NOL4: variants seen among roughly 807,000 people sequenced by gnomAD.
NOL4 encodes cancer/testis antigen 125.
In NOL4, 17 loss-of-function variants were observed where a neutral mutation model predicts 75.9. The observed-to-expected ratio is 0.22, with a 90% confidence interval of 0.15 to 0.34. The LOEUF (loss-of-function observed/expected upper bound fraction) is 0.34. NOL4 is among the 10% of genes least tolerant of loss of function. The pLI is 1.00. For missense variants in NOL4, 614 were observed against 793.5 expected (o/e 0.77, Z 2.72); for synonymous variants, 292 against 289.9 (o/e 1.01, Z -0.07).
intron 5 of NOL4, among the ~76,000 whole-genome samples, chr18:34,077,285 G>T (rs1176893714): frequency 1.3e-5 from 2 of 151,948 alleles, no homozygotes; most frequent in East Asian, 3.8e-4. Flanking sequence ...TCCAGCCTGG[G>T]TGACAGAGTG....
intron 6 of NOL4, among the ~76,000 whole-genome samples, chr18:33,968,801 C>A (rs1477518180): frequency 6.6e-6 from 1 of 152,064 alleles, no homozygotes; most frequent in Non-Finnish European, 1.5e-5. Context: ...CTTCTAAGTG[C>A]CACAAGCAAC....
intron 5 of NOL4, among the ~76,000 whole-genome samples, chr18:34,066,633 A>AAATAT (rs1173712942): frequency 6.6e-6 from 1 of 151,910 alleles, no homozygotes; most frequent in Non-Finnish European, 1.5e-5. Flanking sequence ...CTATGAAACA[A>AAATAT]AATATTTTAA....
Position 34,204,068 on chromosome 18 carries a change from G to A in NOL4, c.264+18922C>T, listed in dbSNP as rs115783630. 1.7e-3 allele frequency among the ~76,000 whole-genome samples: 266 copies of A among 152,076 alleles called. 1 individual carries two copies. Among genetic ancestry groups the A allele is most frequent in the African/African-American group, 6.1e-3 (252 of 41,498 alleles). ...ACCTGAAGCCACCCTGTAGAGTGCT[G>A]ACTCATTAAAAATTCAATTTGTTCC... On this transcript the variant is annotated intron_variant, in intron 1 of 10. Coordinates refer to ENST00000261592, the MANE Select transcript of NOL4 (RefSeq NM_003787.5).
intron 6 of NOL4, among the ~76,000 whole-genome samples, chr18:33,977,554 T>C (rs1037418): frequency 0.17 from 26,623 of 152,144 alleles, 2,865 homozygotes; most frequent in East Asian, 0.4. Context: ...TTAAACCACA[T>C]TTTCTTTATA....
At chr18:34,147,862 G>T (rs139861142) in intron 1 of NOL4, among the ~76,000 whole-genome samples, 275 of 152,146 alleles carry the variant, frequency 1.8e-3, no homozygotes, top group African/African-American at 6.3e-3. Flanking sequence ...TTTTTGGTTG[G>T]TAGGCTATTA....
chr18:34,035,620 G>GA (rs945811555), intron 5 of NOL4, among the ~76,000 whole-genome samples: 22 of 146,532 alleles, frequency 1.5e-4, no homozygotes, highest in African/African-American at 3.5e-4. Context: ...ACAGCAAAAG[G>GA]AAAAAAAAAT....
At chr18:34,209,433 T>C (rs1056112765) in intron 1 of NOL4, among the ~76,000 whole-genome samples, 3 of 152,086 alleles carry the variant, frequency 2.0e-5, no homozygotes, top group Admixed American at 6.5e-5. Context: ...TTAGGCATGA[T>C]GAATGGCAAG....
chr18:33,918,977 A>C (rs1026123869), intron 9 of NOL4, among the ~76,000 whole-genome samples: 1 of 152,176 alleles, frequency 6.6e-6, no homozygotes, highest in African/African-American at 2.4e-5. Flanking sequence ...TTAGTAATCT[A>C]TATATAGAGA....
intron 6 of NOL4, among the ~76,000 whole-genome samples, chr18:33,972,411 A>G (rs1422404272): frequency 1.3e-5 from 2 of 152,190 alleles, no homozygotes; most frequent in Non-Finnish European, 2.9e-5. Context: ...AAAACTATAA[A>G]AAGCTACCAC....
At position 33,852,878 on chromosome 18, in the gene NOL4, T is replaced by G. The variant is rs780483737; in HGVS notation, c.1881A>C (p.Ala627=). The change falls in exon 11 of 11, where the codon GCA becomes GCC. Residue 627 remains alanine (A), a synonymous_variant. Coordinates refer to ENST00000261592, the MANE Select transcript of NOL4 (RefSeq NM_003787.5). ...GTAAAATGAGATTTTCCAGTTCATCTGCAGATCGCAATAAAAATGCAGCTG... is the reference window on the plus strand; with the variant it reads ...GTAAAATGAGATTTTCCAGTTCATCGGCAGATCGCAATAAAAATGCAGCTG... ...RESAAFLLRS[A]DELENLILQQ... is the part of the protein sequence containing the mutation. 5.6e-6 allele frequency: 9 copies of G among 1,612,858 alleles called. No individual in the cohort carries two copies. The South Asian group carries it at 8.8e-5, about 16-fold the overall frequency.
At chr18:34,174,600 T>G (rs569117517) in intron 1 of NOL4, among the ~76,000 whole-genome samples, 1 of 152,076 alleles carries the variant, frequency 6.6e-6, no homozygotes, top group South Asian at 2.1e-4. Context: ...CATAGATAGA[T>G]AGATGCCATG....
intron 2 of NOL4, among the ~76,000 whole-genome samples, chr18:34,113,348 A>T (rs1164087810): frequency 6.6e-6 from 1 of 152,174 alleles, no homozygotes; most frequent in African/African-American, 2.4e-5. Flanking sequence ...GACAAGCTTC[A>T]TTACTGAAGT....
chr18:34,189,006 T>A (rs1392777719), intron 1 of NOL4, among the ~76,000 whole-genome samples: 2 of 152,190 alleles, frequency 1.3e-5, no homozygotes, highest in Admixed American at 1.3e-4. Context: ...TCCAAGAACC[T>A]TGAATAATGG....
intron 5 of NOL4, chr18:34,023,532 C>A (rs140710607): frequency 2.2e-6 from 1 of 455,170 alleles, no homozygotes; most frequent in Admixed American, 2.4e-5. Context: ...TGGGCCAAGG[C>A]GGTGGTTCTT....
At chr18:33,938,868 T>C (rs1391572437) in intron 9 of NOL4, among the ~76,000 whole-genome samples, 1 of 152,140 alleles carries the variant, frequency 6.6e-6, no homozygotes, top group East Asian at 1.9e-4. Context: ...ATGTCCCAAA[T>C]GGTATTTCCT....
intron 1 of NOL4, among the ~76,000 whole-genome samples, chr18:34,176,894 A>G (rs1472405305): frequency 6.6e-6 from 1 of 152,108 alleles, no homozygotes; most frequent in African/African-American, 2.4e-5. Flanking sequence ...AACTGTCAGT[A>G]GCCAAAGACA....
chr18:33,922,860 A>G (rs1295408832), intron 9 of NOL4, among the ~76,000 whole-genome samples: 1 of 152,124 alleles, frequency 6.6e-6, no homozygotes, highest in African/African-American at 2.4e-5. Flanking sequence ...CATAACATAA[A>G]CCAAATGTAC....
chr18:33,970,826 ATAT>A (rs1469559213), intron 6 of NOL4, among the ~76,000 whole-genome samples: 1 of 152,052 alleles, frequency 6.6e-6, no homozygotes, highest in Non-Finnish European at 1.5e-5. Context: ...CTGGACAATT[ATAT>A]GTTTGATACA....
intron 5 of NOL4, among the ~76,000 whole-genome samples, chr18:34,032,261 G>A (rs2075673345): frequency 6.6e-6 from 1 of 152,188 alleles, no homozygotes; most frequent in South Asian, 2.1e-4. Flanking sequence ...ACCCTATCCA[G>A]TAGCAGGGCT....
Sources: gnomAD v4.1 joint callset for allele counts (sites outside exome capture counted in the v4.1 genomes callset) on GRCh38, gnomAD v4.1.1 for gene constraint, MANE v1.5 for transcripts, NCBI Gene and HGNC (gene_info 2026-07-23, HGNC 2026-07-21) for gene names.